Variants in RASEF observed in about 807,000 individuals in gnomAD.
RASEF encodes the protein ras and EF-hand domain-containing protein.
Under a neutral mutation model 90.1 loss-of-function variants are expected in RASEF, and 68 were observed. The observed-to-expected ratio is 0.75, with a 90% CI of 0.62 to 0.92. RASEF has a LOEUF of 0.92. Among genes scored for constraint, RASEF ranks in the 40% least tolerant of loss-of-function variants. The pLI, the probability that RASEF is intolerant of heterozygous loss-of-function variation, is 0.00. For synonymous variants in RASEF, 331 were observed against 345.2 expected, an observed-to-expected ratio of 0.96 and a Z score of 0.46; for missense variants, 949 against 937.2, an observed-to-expected ratio of 1.01 and a Z score of -0.16.
At chr9:83,026,228 T>G (rs1269113728) in intron 1 of RASEF, among the ~76,000 whole-genome samples, 2 of 152,214 alleles carry the variant, frequency 1.3e-5, no homozygotes, top group African/African-American at 2.4e-5. Context: ...ACAGAAAAAT[T>G]AGGTAACATT....
intron 1 of RASEF, among the ~76,000 whole-genome samples, chr9:83,061,766 A>G (rs1830203597): frequency 6.6e-6 from 1 of 152,250 alleles, no homozygotes. Flanking sequence ...GTCACATAAA[A>G]AGTGAGTTTT....
At chr9:83,087,269 G>A in the RASEF span, among the ~76,000 whole-genome samples, 3 of 152,226 alleles carry the variant, frequency 2.0e-5, no homozygotes, top group Non-Finnish European at 4.4e-5. Flanking sequence ...CCCCCAGTGT[G>A]ATGGTATTTG....
chr9:83,066,243 C>T (rs79091798), upstream of RASEF, among the ~76,000 whole-genome samples: 1,036 of 152,290 alleles, frequency 6.8e-3, 10 homozygotes, highest in African/African-American at 0.024. Flanking sequence ...GATCTTTTAG[C>T]TTTTCTCTCT....
chr9:83,034,298 C>T (rs1259631711), intron 1 of RASEF, among the ~76,000 whole-genome samples: 1 of 152,150 alleles, frequency 6.6e-6, no homozygotes, highest in Non-Finnish European at 1.5e-5. Flanking sequence ...CAACCTGGTC[C>T]AGGGGCTGAG....
Position 83,040,661 on chromosome 9 carries a change from A to G in RASEF, c.432-14740T>C, listed in dbSNP as rs112342048. On this transcript the variant is annotated intron_variant, in intron 1 of 16. Coordinates refer to ENST00000376447, the MANE Select transcript of RASEF (RefSeq NM_152573.4). ...TATATTTCCTGAATTAGCACTGATTATATATTGAATACCTACCACTGATTA... is the reference window on the plus strand; with the variant it reads ...TATATTTCCTGAATTAGCACTGATTGTATATTGAATACCTACCACTGATTA... 5.4e-3 allele frequency among the ~76,000 whole-genome samples: 826 copies of G among 152,314 alleles called. 11 individuals are homozygous for G. Among genetic ancestry groups the G allele is most frequent in the African/African-American group, 0.018 (764 of 41,578 alleles).
At chr9:83,148,398 G>T in the RASEF span, among the ~76,000 whole-genome samples, 1 of 152,104 alleles carries the variant, frequency 6.6e-6, no homozygotes, top group South Asian at 2.1e-4. Context: ...TATACAAAGG[G>T]AAAATTTGGA....
chr9:83,012,656 C>T (rs932836916), intron 4 of RASEF, 145 bp from the exon 5 acceptor site: 25 of 437,288 alleles, frequency 5.7e-5, no homozygotes, highest in Middle Eastern at 7.6e-4. Flanking sequence ...CATTAAACTA[C>T]ATAAAATCCA....
At chr9:82,991,052 C>T (rs1480723640) in intron 15 of RASEF, among the ~76,000 whole-genome samples, 1 of 152,170 alleles carries the variant, frequency 6.6e-6, no homozygotes, top group Non-Finnish European at 1.5e-5. Flanking sequence ...TTTTCCATGG[C>T]CAATGAGGCC....
At chr9:83,055,404 C>G (rs926575817) in intron 1 of RASEF, 19 of 531,976 alleles carry the variant, frequency 3.6e-5, no homozygotes, top group Middle Eastern at 4.4e-4. Context: ...TGCTTCGGCT[C>G]GCGCACGGTG....
chr9:83,189,757 A>T, the RASEF span, among the ~76,000 whole-genome samples: 1 of 152,202 alleles, frequency 6.6e-6, no homozygotes, highest in East Asian at 1.9e-4. Flanking sequence ...CCAATCCAGG[A>T]TCCTGTATGT....
At chr9:83,092,906 A>G in the RASEF span, among the ~76,000 whole-genome samples, 5 of 152,128 alleles carry the variant, frequency 3.3e-5, no homozygotes, top group African/African-American at 1.2e-4. Flanking sequence ...AGCTAGATAC[A>G]AAGTGTCAAT....
chr9:83,140,506 A>G, the RASEF span, among the ~76,000 whole-genome samples: 3 of 152,286 alleles, frequency 2.0e-5, no homozygotes, highest in Non-Finnish European at 4.4e-5. Flanking sequence ...GGGCTTGGGT[A>G]TCTGCTTGAC....
chr9:83,217,640 C>T, the RASEF span, among the ~76,000 whole-genome samples: 1 of 152,170 alleles, frequency 6.6e-6, no homozygotes, highest in Non-Finnish European at 1.5e-5. Context: ...CCTCCTTCGC[C>T]TTCCGCCATG....
chr9:83,116,612 T>C, the RASEF span, among the ~76,000 whole-genome samples: 1 of 152,216 alleles, frequency 6.6e-6, no homozygotes, highest in Admixed American at 6.5e-5. Flanking sequence ...CTAGAGGTTT[T>C]ATATACATTC....
chr9:83,049,172 C>A (rs2118675917), intron 1 of RASEF: 17 of 253,492 alleles, frequency 6.7e-5, no homozygotes, highest in Non-Finnish European at 1.0e-4. Context: ...TTGACTTAAA[C>A]ATTGCTTATA....
chr9:83,034,582 C>T (rs1047761862), intron 1 of RASEF, among the ~76,000 whole-genome samples: 1 of 152,152 alleles, frequency 6.6e-6, no homozygotes, highest in Admixed American at 6.5e-5. Context: ...CAAATTGCTT[C>T]CTATTTTCAA....
chr9:82,999,986 C>G (rs1204515884), intron 12 of RASEF, among the ~76,000 whole-genome samples, 183 bp downstream of exon 12: 1 of 3,600 alleles, frequency 2.8e-4, no homozygotes, highest in Non-Finnish European at 6.1e-4. Flanking sequence ...GACTAGGAGA[C>G]ACACACACAC....
the RASEF span, among the ~76,000 whole-genome samples, chr9:83,150,944 C>T: frequency 1.3e-5 from 2 of 152,264 alleles, no homozygotes; most frequent in African/African-American, 4.8e-5. Context: ...TCACACATGT[C>T]AGCCACTATG....
intron 4 of RASEF, among the ~76,000 whole-genome samples, chr9:83,012,881 T>G (rs1013711729): frequency 6.6e-6 from 1 of 152,238 alleles, no homozygotes; most frequent in Non-Finnish European, 1.5e-5. Flanking sequence ...CCATTCTGTA[T>G]TACAATTATT....
Sources: allele counts gnomAD v4.1 joint callset (sites outside exome capture counted in the v4.1 genomes callset), GRCh38; gene constraint gnomAD v4.1.1; transcripts MANE v1.5; gene names NCBI Gene and HGNC (gene_info 2026-07-23, HGNC 2026-07-21).